Variants in CCNI observed in about 807,000 individuals in gnomAD.
CCNI encodes the protein cyclin I.
Under a neutral mutation model 34.1 loss-of-function variants are expected in CCNI, and 14 were observed. The observed-to-expected ratio is 0.41, with a 90% CI of 0.27 to 0.64. The LOEUF (loss-of-function observed/expected upper bound fraction) is 0.64, where lower values mean the gene tolerates loss of function less well. CCNI is among the 30% of genes least tolerant of loss of function. The pLI is 0.31. For missense variants in CCNI, 385 were observed against 440.5 expected (o/e 0.87, Z 1.13); for synonymous variants, 154 against 158.4 (o/e 0.97, Z 0.21).
At position 77,059,409 on chromosome 4, in the gene CCNI, TGTA is replaced by T. The variant is rs1181141206; in HGVS notation, c.115-777_115-775del. ...TATTCTCCTTACAGCTCTTTCAAAC[TGTA>T]GTTTCAAACAGTTTGAAAGAGCTGT... On this transcript the variant is annotated intron_variant, in intron 2 of 6. Transcript: ENST00000237654. 2.6e-5 allele frequency among the ~76,000 whole-genome samples: 4 copies of T among 151,074 alleles called. 1 individual carries two copies. The South Asian group carries it at 8.4e-4, about 32-fold the overall frequency.
chr4:77,061,860 G>A (rs4252850), intron 2 of CCNI, among the ~76,000 whole-genome samples: 12,596 of 151,992 alleles, frequency 0.083, 686 homozygotes, highest in Non-Finnish European at 0.12. Context: ...TAGTAGAGAC[G>A]GGGTTTCACC....
At chr4:77,048,988 T>C (rs1350932396) in intron 6 of CCNI, among the ~76,000 whole-genome samples, 4 of 126,562 alleles carry the variant, frequency 3.2e-5, no homozygotes, top group Admixed American at 8.0e-5. Flanking sequence ...TTTTTTTTTT[T>C]CAGTCTATTC....
chr4:77,055,040 A>T, intron 6 of CCNI, 110 bp downstream of exon 6: 1 of 679,672 alleles, frequency 1.5e-6, no homozygotes. Context: ...TCTACTCTTA[A>T]GAATGGTTTG....
intron 1 of CCNI, among the ~76,000 whole-genome samples, chr4:77,070,637 C>G (rs1729390792): frequency 6.6e-6 from 1 of 152,118 alleles, no homozygotes; most frequent in Non-Finnish European, 1.5e-5. Context: ...AGATCTTCAA[C>G]AATTTGGTAG....
At chr4:77,056,221 G>A in intron 4 of CCNI, 28 bp downstream of exon 4, 1 of 1,601,640 alleles carries the variant, frequency 6.2e-7, no homozygotes, top group Non-Finnish European at 8.5e-7. Flanking sequence ...TTTCACGGAA[G>A]AAACATTATC....
At chr4:77,068,830 T>C (rs1469473645) in intron 1 of CCNI, among the ~76,000 whole-genome samples, 4 of 151,954 alleles carry the variant, frequency 2.6e-5, no homozygotes, top group Non-Finnish European at 4.4e-5. Context: ...ACTATCCTCC[T>C]TCCTATGTAC....
At position 77,048,555 on chromosome 4, in the gene CCNI, C is replaced by T. The variant is rs764688395; in HGVS notation, c.798G>A (p.Lys266=). The T allele has an allele frequency of 2.5e-6, 4 of 1,613,370 alleles. No homozygotes were observed. The highest frequency in any genetic ancestry group is 2.5e-6 in the Non-Finnish European group (3 of 1,179,580). ...CTTTGTCACAGGTCACCAGGGTGTG[C>T]TTGAGGGGACGGTAGACATAAACGG... is the stretch of plus-strand genomic sequence containing the variant. ...LNSVYVYRPL[K]HTLVTCDKGV... is the part of the protein sequence containing the mutation. The change falls in exon 7 of 7, where the codon AAG becomes AAA. Residue 266 remains lysine (K), a synonymous_variant. Coordinates refer to ENST00000237654, the MANE Select transcript of CCNI (RefSeq NM_006835.3).
chr4:77,073,243 C>T (rs1385452575), intron 1 of CCNI, among the ~76,000 whole-genome samples: 1 of 152,172 alleles, frequency 6.6e-6, no homozygotes, highest in Admixed American at 6.5e-5. Context: ...TCAATTGCTG[C>T]CGCTTCTCCT....
intron 1 of CCNI, among the ~76,000 whole-genome samples, chr4:77,070,928 G>C (rs985774867): frequency 6.6e-6 from 1 of 152,188 alleles, no homozygotes; most frequent in Non-Finnish European, 1.5e-5. Flanking sequence ...GTCAAGATTA[G>C]ACTTCATAGG....
chr4:77,068,698 T>C (rs906794107), intron 1 of CCNI, among the ~76,000 whole-genome samples: 4 of 152,132 alleles, frequency 2.6e-5, no homozygotes, highest in African/African-American at 9.7e-5. Context: ...GCTCTAAGAA[T>C]TTTTTTAAAT....
rs771128283 is a variant in CCNI, at chr4:77,048,253, G to C, written c.1100C>G (p.Pro367Arg). The change falls in exon 7 of 7, where the codon CCT becomes CGT. Residue 367 changes from proline (P) to arginine (R), a missense_variant. Coordinates refer to ENST00000237654, the MANE Select transcript of CCNI (RefSeq NM_006835.3). ...AGAAACAGGCTGCAAAGGTGGACAA[G>C]GGGAAGCATGTCCCTCTTGTCTTGA... ...DLSRQEGHASPCPPLQPVSVM is the reference protein window; with the variant it reads ...DLSRQEGHASRCPPLQPVSVM 4.8e-5 allele frequency: 78 copies of C among 1,613,920 alleles called. No individual in the cohort carries two copies. The South Asian group carries it at 7.9e-4, about 16-fold the overall frequency.
Position 77,056,081 on chromosome 4 carries a change from A to G in CCNI, c.340T>C (p.Leu114=), listed in dbSNP as rs1013398504. The G allele has an allele frequency of 5.6e-6, 9 of 1,613,736 alleles. No homozygotes were observed. The highest frequency in any genetic ancestry group is 6.8e-6 in the Non-Finnish European group (8 of 1,179,716). Residue 114 remains leucine (L), a synonymous_variant, in exon 5 of 7, where the codon TTG becomes CTG. Transcript: ENST00000237654. ...EDERIPVLKV[L]ARDSFCGCSS... is the part of the protein sequence containing the mutation. The stretch of plus-strand genomic sequence containing the variant: ...CATCCACAGAAACTGTCTCTTGCCA[A>G]TACCTTTAGTACTGGAATTCTCTAT...
intron 2 of CCNI, among the ~76,000 whole-genome samples, chr4:77,064,328 A>G (rs563266002): frequency 1.3e-5 from 2 of 152,272 alleles, no homozygotes; most frequent in South Asian, 4.1e-4. Flanking sequence ...TTCAAAGACC[A>G]GGCTGTAAAA....
chr4:77,055,078 G>T, intron 6 of CCNI, 72 bp downstream of exon 6: 2 of 938,916 alleles, frequency 2.1e-6, no homozygotes, highest in Non-Finnish European at 3.3e-6. Context: ...ATGTCTTTTA[G>T]TTTGGTAACT....
At chr4:77,054,525 C>G (rs1728078214) in intron 6 of CCNI, among the ~76,000 whole-genome samples, 1 of 152,200 alleles carries the variant, frequency 6.6e-6, no homozygotes, top group African/African-American at 2.4e-5. Flanking sequence ...ATACAGCACT[C>G]TCACCAACTT....
intron 2 of CCNI, among the ~76,000 whole-genome samples, chr4:77,063,075 C>T (rs1728728108): frequency 1.3e-5 from 2 of 152,028 alleles, no homozygotes; most frequent in Non-Finnish European, 2.9e-5. Context: ...ATAAGGGAAG[C>T]AGAGTGTGGC....
intron 2 of CCNI, among the ~76,000 whole-genome samples, chr4:77,062,614 G>A (rs989471932): frequency 6.6e-6 from 1 of 152,072 alleles, no homozygotes; most frequent in Non-Finnish European, 1.5e-5. Context: ...GTAGGAAGCA[G>A]CAAATCTAAA....
rs1026164124 is a variant in CCNI at position 77,066,371 on chromosome 4, T to C, written c.-9A>G. On this transcript the variant is annotated 5_prime_UTR_variant, in exon 2 of 7. Coordinates refer to ENST00000237654, the MANE Select transcript of CCNI (RefSeq NM_006835.3). ...GGCCCTGGAAACTTCATGATATCCT[T>C]TGGATCTGCCTGCTACCCAGCTTGC... 1 of 1,613,772 alleles carries C rather than the reference T, an allele frequency of 6.2e-7. No individual in the cohort carries two copies. Among genetic ancestry groups the C allele is most frequent in the African/African-American group, 1.3e-5 (1 of 74,910 alleles).
At chr4:77,058,723 T>G (rs1728404991) in intron 2 of CCNI, 88 bp from the exon 3 acceptor site, 2 of 1,058,906 alleles carry the variant, frequency 1.9e-6, no homozygotes, top group East Asian at 5.0e-5. Context: ...AAAGGTTAGG[T>G]AATACTACAA....
Sources: gnomAD v4.1 joint callset for allele counts (sites outside exome capture counted in the v4.1 genomes callset) on GRCh38, gnomAD v4.1.1 for gene constraint, MANE v1.5 for transcripts, NCBI Gene and HGNC (gene_info 2026-07-23, HGNC 2026-07-21) for gene names.